STK33: variants seen among roughly 807,000 people sequenced by gnomAD.
The protein encoded by STK33 is serine/threonine kinase 33, also known as serine/threonine-protein kinase 33.
Under a neutral mutation model 58.0 loss-of-function variants are expected in STK33, and 52 were observed. The ratio of observed to expected loss-of-function variants is 0.90; its 90% CI spans 0.72 to 1.13. STK33 has a LOEUF of 1.13. Ranked by LOEUF, STK33 falls within the 50% of genes most tolerant of loss-of-function variation. STK33 has a pLI of 0.00. For missense variants in STK33, 630 were observed against 604.2 expected, an observed-to-expected ratio of 1.04 and a Z score of -0.45; for synonymous variants, 215 against 200.1, an observed-to-expected ratio of 1.07 and a Z score of -0.63.
At chr11:8,474,073 G>A (rs1458449424) in intron 5 of STK33, among the ~76,000 whole-genome samples, 1 of 151,968 alleles carries the variant, frequency 6.6e-6, no homozygotes, top group African/African-American at 2.4e-5. Context: ...TACTCAGGAG[G>A]TTGAGCTAGG....
At chr11:8,506,948 C>G (rs550722086) in intron 1 of STK33, among the ~76,000 whole-genome samples, 1 of 152,298 alleles carries the variant, frequency 6.6e-6, no homozygotes, top group African/African-American at 2.4e-5. Flanking sequence ...ATGGGGCATC[C>G]TATACAGTAG....
chr11:8,543,053 G>C (rs1164987307), intron 1 of STK33, among the ~76,000 whole-genome samples: 2 of 152,048 alleles, frequency 1.3e-5, no homozygotes, highest in Non-Finnish European at 2.9e-5. Flanking sequence ...CCATCAGTTT[G>C]ATGCCGCCCA....
chr11:8,423,821 TTGCCAATTTCTCCA>T (rs1269636022), intron 14 of STK33, among the ~76,000 whole-genome samples: 1 of 152,086 alleles, frequency 6.6e-6, no homozygotes, highest in African/African-American at 2.4e-5. Flanking sequence ...TATAATGGAT[TTGCCAATTTCTCCA>T]TGCAATGTTG....
chr11:8,536,772 TTTG>T (rs1180996870), intron 1 of STK33, among the ~76,000 whole-genome samples: 1 of 151,532 alleles, frequency 6.6e-6, no homozygotes, highest in Non-Finnish European at 1.5e-5. Context: ...TTGTTGTTTA[TTTG>T]TTGTTTGTTT....
At chr11:8,360,467 C>A in the STK33 span, among the ~76,000 whole-genome samples, 1 of 152,234 alleles carries the variant, frequency 6.6e-6, no homozygotes, top group South Asian at 2.1e-4. Flanking sequence ...ATATATTAGT[C>A]TTTTATTGCT....
At chr11:8,380,913 A>T in the STK33 span, among the ~76,000 whole-genome samples, 2 of 152,194 alleles carry the variant, frequency 1.3e-5, no homozygotes, top group African/African-American at 4.8e-5. Context: ...CTATACACAC[A>T]TATATACACA....
At chr11:8,481,624 C>T (rs1192941176) in intron 1 of STK33, among the ~76,000 whole-genome samples, 1 of 152,154 alleles carries the variant, frequency 6.6e-6, no homozygotes, top group African/African-American at 2.4e-5. Context: ...GTCCTCACTC[C>T]ATCTTGTAGC....
chr11:8,538,124 A>G (rs562808903), intron 1 of STK33, among the ~76,000 whole-genome samples: 1 of 152,160 alleles, frequency 6.6e-6, no homozygotes, highest in African/African-American at 2.4e-5. Flanking sequence ...GGAGGCAGAG[A>G]TTGCAGTGAG....
intron 14 of STK33, among the ~76,000 whole-genome samples, chr11:8,418,730 T>C (rs1380255251): frequency 6.6e-6 from 1 of 152,182 alleles, no homozygotes; most frequent in Non-Finnish European, 1.5e-5. Flanking sequence ...AGTGTTCCCT[T>C]TTCTCCACAA....
At chr11:8,344,365 G>A in the STK33 span, among the ~76,000 whole-genome samples, 4 of 152,208 alleles carry the variant, frequency 2.6e-5, no homozygotes, top group African/African-American at 9.6e-5. Context: ...CTGGGTGACA[G>A]AGCGTGAGCC....
chr11:8,349,995 A>G, the STK33 span, among the ~76,000 whole-genome samples: 37 of 152,266 alleles, frequency 2.4e-4, no homozygotes, highest in Non-Finnish European at 4.4e-4. Context: ...GGTTAGGCCA[A>G]GAGGATCAGC....
chr11:8,398,032 ACT>A (rs1417143332), intron 15 of STK33, among the ~76,000 whole-genome samples: 5 of 152,198 alleles, frequency 3.3e-5, no homozygotes, highest in African/African-American at 1.2e-4. Context: ...GTTGGAAAAC[ACT>A]CTGCACGATA....
At chr11:8,483,868 T>C (rs1950019940) in intron 1 of STK33, among the ~76,000 whole-genome samples, 1 of 152,130 alleles carries the variant, frequency 6.6e-6, no homozygotes, top group Non-Finnish European at 1.5e-5. Flanking sequence ...CACAATGAAA[T>C]ATTAAGTTCT....
chr11:8,548,962 G>T (rs1349856097), intron 1 of STK33, among the ~76,000 whole-genome samples: 1 of 151,996 alleles, frequency 6.6e-6, no homozygotes, highest in African/African-American at 2.4e-5. Flanking sequence ...ATTTTTGCAT[G>T]CTGGTTTTGT....
chr11:8,509,116 CAA>C (rs1161851155), intron 1 of STK33, among the ~76,000 whole-genome samples: 6 of 45,428 alleles, frequency 1.3e-4, no homozygotes, highest in African/African-American at 3.3e-4. Context: ...AACTCTGTCT[CAA>C]AAAAAAAAAA....
intron 1 of STK33, among the ~76,000 whole-genome samples, chr11:8,551,616 G>A (rs753657654): frequency 3.1e-4 from 47 of 152,070 alleles, no homozygotes; most frequent in Admixed American, 1.8e-3. Context: ...GTGTTCTTTC[G>A]TGGTGTTAGA....
chr11:8,395,929 C>T (rs2135042280), intron 15 of STK33, among the ~76,000 whole-genome samples: 1 of 152,208 alleles, frequency 6.6e-6, no homozygotes, highest in South Asian at 2.1e-4. Flanking sequence ...ACAAGAGTGC[C>T]TGTTTTCTTA....
intron 14 of STK33, among the ~76,000 whole-genome samples, chr11:8,423,752 ATTT>A (rs1416536239): frequency 6.6e-6 from 1 of 151,916 alleles, no homozygotes; most frequent in African/African-American, 2.4e-5. Flanking sequence ...TCATCCATAT[ATTT>A]TTGTTTCTTT....
intron 15 of STK33, among the ~76,000 whole-genome samples, chr11:8,410,006 G>C (rs1020191862): frequency 6.6e-6 from 1 of 151,968 alleles, no homozygotes; most frequent in Non-Finnish European, 1.5e-5. Context: ...ATATTTTAAG[G>C]GCTGTGCTTG....
Sources: allele counts gnomAD v4.1 joint callset (sites outside exome capture counted in the v4.1 genomes callset), GRCh38; gene constraint gnomAD v4.1.1; transcripts MANE v1.5; gene names NCBI Gene and HGNC (gene_info 2026-07-23, HGNC 2026-07-21).